Variants in SCGB2A1 observed in about 807,000 individuals in gnomAD.
SCGB2A1 encodes secretoglobin family 2A member 1.
SCGB2A1 carries 6 observed loss-of-function variants against 9.2 expected under a neutral mutation model. The observed-to-expected ratio is 0.66, with a 90% CI of 0.36 to 1.29. The LOEUF (loss-of-function observed/expected upper bound fraction) is 1.29. SCGB2A1 is among the 50% of genes most tolerant of loss of function. The probability of loss-of-function intolerance (pLI) is 0.03; values close to 1 mark genes in which losing one functional copy is unlikely to be tolerated. For missense variants in SCGB2A1, 138 were observed against 116.9 expected (o/e 1.18, Z -0.83); for synonymous variants, 37 against 41.0 (o/e 0.90, Z 0.37).
In SCGB2A1 at chr11:62,208,716, C is replaced by A; in HGVS notation, c.-16C>A. ...CCTGCCACGCACGACTGAACACAGA[C>A]AGCAGCCGCCTCGCCATGAAGCTGC... On this transcript the variant is annotated 5_prime_UTR_variant, in exon 1 of 3. Transcript: ENST00000244930. The A allele has an allele frequency of 6.2e-7, 1 of 1,613,490 alleles. No homozygotes were observed. Among genetic ancestry groups the A allele is most frequent in the Non-Finnish European group, 8.5e-7 (1 of 1,179,766 alleles).
At chr11:62,213,104 A>ATTTTT (rs1275288053) in intron 2 of SCGB2A1, among the ~76,000 whole-genome samples, 15 of 35,352 alleles carry the variant, frequency 4.2e-4, no homozygotes, top group African/African-American at 8.2e-4. Context: ...ATATATATAT[A>ATTTTT]TATTTTTTTT....
rs149043465 is a variant in SCGB2A1 at position 62,210,458 on chromosome 11, A to G, written c.101A>G (p.Asn34Ser). 4.2e-5 allele frequency: 67 copies of G among 1,577,844 alleles called. No homozygotes were observed. The highest frequency in any genetic ancestry group is 1.7e-4 in the Middle Eastern group (1 of 6,008). ...GAGGACATGGTTGAAAAGACCATCA[A>G]TTCCGACATATCTATACCTGAATAC... ...LLEDMVEKTI[N>S]SDISIPEYKE... Residue 34 changes from asparagine (N) to serine (S), a missense_variant, in exon 2 of 3, where the codon AAT becomes AGT. Transcript: ENST00000244930.
chr11:62,212,370 C>T (rs1177697232), intron 2 of SCGB2A1, among the ~76,000 whole-genome samples: 1 of 151,866 alleles, frequency 6.6e-6, no homozygotes, highest in African/African-American at 2.4e-5. Context: ...GTGCATCCCT[C>T]ATACCTGTAA....
At chr11:62,210,386 C>CTTTTTTTTTTTTTTT (rs201416395) in intron 1 of SCGB2A1, 27 bp from the exon 2 acceptor site, 5 of 1,349,584 alleles carry the variant, frequency 3.7e-6, no homozygotes, top group African/African-American at 3.5e-5. Flanking sequence ...GTTCTTGTGT[C>CTTTTTTTTTTTTTTT]TTTTTTTTTT....
At chr11:62,213,085 TATACACATATATA>T (rs1944850105) in intron 2 of SCGB2A1, among the ~76,000 whole-genome samples, 14 of 19,140 alleles carry the variant, frequency 7.3e-4, no homozygotes, top group Admixed American at 1.1e-3. Flanking sequence ...TATACACATA[TATACACATATATA>T]TATATATATT....
intron 2 of SCGB2A1, among the ~76,000 whole-genome samples, chr11:62,213,025 T>TATGTGCAC (rs1565121447): frequency 1.2e-3 from 44 of 36,976 alleles, no homozygotes; most frequent in African/African-American, 3.0e-3. Context: ...CATATATACA[T>TATGTGCAC]ATATACACAC....
Position 62,208,747 on chromosome 11 carries a change from G to A in SCGB2A1, c.16G>A (p.Val6Ile). The A allele has an allele frequency of 1.9e-6, 3 of 1,613,696 alleles. No homozygotes were observed. Among genetic ancestry groups the A allele is most frequent in the East Asian group, 2.2e-5 (1 of 44,884 alleles). Residue 6 changes from valine to isoleucine, a missense_variant, in exon 1 of 3, where the codon GTC becomes ATC. Val to Ile is a conservative substitution (Grantham distance 29). Coordinates refer to ENST00000244930, the MANE Select transcript of SCGB2A1 (RefSeq NM_002407.3). ...CCGCCTCGCCATGAAGCTGCTGATG[G>A]TCCTCATGCTGGCGGCCCTCCTCCT... The part of the protein sequence containing the change: MKLLM[V>I]LMLAALLLHC...
Position 62,213,925 on chromosome 11 carries a change from T to A in SCGB2A1, c.*155T>A. The A allele has an allele frequency of 1.7e-6, 1 of 580,702 alleles. No individual in the cohort carries two copies. The highest frequency in any genetic ancestry group is 3.0e-6 in the Non-Finnish European group (1 of 331,582). The allele number at this position is 580,702 out of a possible 1,614,324, so 36.0% of individuals were successfully genotyped here. A position where few individuals can be genotyped will look rare whatever the true frequency, so the allele number is the denominator to read the frequency against. On this transcript the variant is annotated 3_prime_UTR_variant, in exon 3 of 3. Coordinates refer to ENST00000244930, the MANE Select transcript of SCGB2A1 (RefSeq NM_002407.3). The stretch of plus-strand genomic sequence containing the variant: ...CAAATTCATTTCCATTTCAATAAAC[T>A]AACTGCAAATCACTAAAATTCTTTC...
At chr11:62,210,700 C>G in intron 2 of SCGB2A1, 100 bp downstream of exon 2, 1 of 878,616 alleles carries the variant, frequency 1.1e-6, no homozygotes, top group Non-Finnish European at 1.7e-6. Context: ...GGTGAACAAA[C>G]TTTCTTTATA....
intron 1 of SCGB2A1, among the ~76,000 whole-genome samples, chr11:62,209,042 C>G (rs1276803178): frequency 6.6e-6 from 1 of 152,126 alleles, no homozygotes; most frequent in African/African-American, 2.4e-5. Context: ...CCATAGAAAC[C>G]AGGATGAGTC....
chr11:62,212,957 T>TAC lies in SCGB2A1; in HGVS notation c.244-765_244-764dup, dbSNP rs113455333. The stretch of plus-strand genomic sequence containing the variant: ...ATACACACATATGTACACACATATG[T>TAC]ACACATATGTACACATATATGTGCA... On this transcript the variant is annotated intron_variant, in intron 2 of 2. Transcript: ENST00000244930. 3.6e-3 allele frequency among the ~76,000 whole-genome samples: 285 copies of TAC among 78,606 alleles called. 4 individuals are homozygous for TAC. The highest frequency in any genetic ancestry group is 9.4e-3 in the African/African-American group (269 of 28,764). The allele number at this position is 78,606 out of a possible 152,430, so 51.6% of individuals were successfully genotyped here.
intron 1 of SCGB2A1, among the ~76,000 whole-genome samples, chr11:62,210,017 A>G (rs1944815740): frequency 6.6e-6 from 1 of 152,172 alleles, no homozygotes; most frequent in Admixed American, 6.5e-5. Context: ...GAACTAATGG[A>G]CAATGTCCTA....
Position 62,213,031 on chromosome 11 carries a change from C to CATATGT in SCGB2A1, c.244-694_244-693insTATGTA, listed in dbSNP as rs1375903167. Among the ~76,000 whole-genome samples the CATATGT allele has an allele frequency of 2.5e-3, 178 of 70,964 alleles. 2 individuals carry two copies. Among genetic ancestry groups the CATATGT allele is most frequent in the South Asian group, 8.0e-3 (8 of 1,006 alleles). 46.6% of individuals were successfully genotyped at this position (70,964 alleles called of 152,430 possible). On this transcript the variant is annotated intron_variant, in intron 2 of 2. Transcript: ENST00000244930. The stretch of plus-strand genomic sequence containing the variant: ...ATATATGCACATATATACATATATA[C>CATATGT]ACACATATATACATATATACACATA...
chr11:62,212,421 G>T (rs895250544), intron 2 of SCGB2A1, among the ~76,000 whole-genome samples: 4 of 151,362 alleles, frequency 2.6e-5, no homozygotes, highest in Admixed American at 6.6e-5. Context: ...GATCACTTGA[G>T]GTCAGGAGTT....
chr11:62,212,171 C>T (rs1340402097), intron 2 of SCGB2A1, among the ~76,000 whole-genome samples: 1 of 151,676 alleles, frequency 6.6e-6, no homozygotes, highest in Non-Finnish European at 1.5e-5. Context: ...GATCTGCCCG[C>T]TTCAGCCTCC....
chr11:62,213,679 T>C (rs1308415257), intron 2 of SCGB2A1, 47 bp from the exon 3 acceptor site: 3 of 1,562,342 alleles, frequency 1.9e-6, no homozygotes, highest in African/African-American at 1.4e-5. Flanking sequence ...ATATTTGATT[T>C]AATAAGTGAA....
intron 1 of SCGB2A1, among the ~76,000 whole-genome samples, chr11:62,209,576 C>T (rs1057021746): frequency 1.3e-5 from 2 of 152,072 alleles, no homozygotes; most frequent in Non-Finnish European, 2.9e-5. Flanking sequence ...GCTCGTTCCT[C>T]TCCCTTACAG....
intron 2 of SCGB2A1, among the ~76,000 whole-genome samples, chr11:62,212,963 TATGTACAC>T (rs1944843678): frequency 6.7e-6 from 1 of 148,912 alleles, no homozygotes; most frequent in Admixed American, 6.7e-5. Flanking sequence ...TATGTACACA[TATGTACAC>T]ATATATGTGC....
intron 2 of SCGB2A1, among the ~76,000 whole-genome samples, chr11:62,211,133 AG>A (rs920509498): frequency 4.6e-5 from 7 of 152,064 alleles, no homozygotes; most frequent in African/African-American, 1.7e-4. Flanking sequence ...CATGTTGGCC[AG>A]GCTGGTCTCA....
Sources: allele counts gnomAD v4.1 joint callset (sites outside exome capture counted in the v4.1 genomes callset), GRCh38; gene constraint gnomAD v4.1.1; transcripts MANE v1.5; gene names NCBI Gene and HGNC (gene_info 2026-07-23, HGNC 2026-07-21).